Variants in DNAH6 observed in about 807,000 individuals in gnomAD.
The protein encoded by DNAH6 is dynein axonemal heavy chain 6.
DNAH6 carries 340 observed loss-of-function variants against 491.4 expected under a neutral mutation model. The ratio of observed to expected loss-of-function variants is 0.69; its 90% CI spans 0.63 to 0.76. The LOEUF is 0.76. Ranked by LOEUF, DNAH6 falls within the 30% of genes least tolerant of loss-of-function variation. The probability of loss-of-function intolerance (pLI) is 0.00; values close to 1 mark genes in which losing one functional copy is unlikely to be tolerated. For missense variants in DNAH6, 4,443 were observed against 4,972.2 expected, an observed-to-expected ratio of 0.89 and a Z score of 3.20; for synonymous variants, 1,603 against 1,686.1, an observed-to-expected ratio of 0.95 and a Z score of 1.21.
chr2:84,788,472 T>A (rs766325554), intron 68 of DNAH6, among the ~76,000 whole-genome samples: 2 of 152,166 alleles, frequency 1.3e-5, no homozygotes, highest in African/African-American at 4.8e-5. Context: ...ATAAGCTGAT[T>A]ATAAAATTCA....
At chr2:84,678,289 A>G (rs1693450873) in intron 41 of DNAH6, among the ~76,000 whole-genome samples, 1 of 152,182 alleles carries the variant, frequency 6.6e-6, no homozygotes, top group Admixed American at 6.5e-5. Context: ...CCTATAATTA[A>G]GCACCAGAGT....
At chr2:84,616,853 G>A in intron 22 of DNAH6, 33 bp from the exon 23 acceptor site, 2 of 1,240,768 alleles carry the variant, frequency 1.6e-6, no homozygotes, top group East Asian at 3.0e-5. Flanking sequence ...TTTTAACACA[G>A]TTTTACCAAT....
At chr2:84,518,734 G>C (rs1243840083) in intron 2 of DNAH6, among the ~76,000 whole-genome samples, 1 of 152,174 alleles carries the variant, frequency 6.6e-6, no homozygotes, top group African/African-American at 2.4e-5. Flanking sequence ...TTTGAGCCAT[G>C]CTCTGAGGAA....
Position 84,548,447 on chromosome 2 carries a change from T to G in DNAH6, c.1316+30T>G, listed in dbSNP as rs1394711389. ...GATTATTCTCATTTTCAAGAAAAAT[T>G]GTAGTACCCATCTTAAGCTGCATTA... On this transcript the variant is annotated intron_variant, in intron 8 of 76. Transcript: ENST00000389394. 3.7e-6 allele frequency: 6 copies of G among 1,612,438 alleles called. No homozygotes were observed. In the South Asian group the frequency reaches 5.5e-5, roughly 15 times the overall value.
intron 12 of DNAH6, among the ~76,000 whole-genome samples, chr2:84,575,024 A>C (rs1393135665): frequency 6.6e-6 from 1 of 151,640 alleles, no homozygotes; most frequent in East Asian, 1.9e-4. Context: ...CAGTCCCAAC[A>C]CTCTGATGGC....
chr2:84,634,119 A>G (rs764758261), intron 29 of DNAH6, among the ~76,000 whole-genome samples: 1 of 152,198 alleles, frequency 6.6e-6, no homozygotes, highest in Non-Finnish European at 1.5e-5. Context: ...CATGTAGAAT[A>G]CCTTCTAAAG....
At chr2:84,571,413 G>A (rs1249223854) in intron 11 of DNAH6, among the ~76,000 whole-genome samples, 3 of 152,196 alleles carry the variant, frequency 2.0e-5, no homozygotes, top group African/African-American at 7.2e-5. Flanking sequence ...CAATGTGTTA[G>A]TATTACCAGT....
intron 19 of DNAH6, 129 bp from the exon 20 acceptor site, chr2:84,605,367 AAAAG>A: frequency 1.6e-6 from 1 of 645,044 alleles, no homozygotes; most frequent in Non-Finnish European, 2.5e-6. Flanking sequence ...AAAAAAAAAA[AAAAG>A]AATTTTAGAG....
At chr2:84,658,531 T>G in intron 36 of DNAH6, 57 bp downstream of exon 36, 6 of 1,235,590 alleles carry the variant, frequency 4.9e-6, no homozygotes, top group Non-Finnish European at 6.4e-6. Flanking sequence ...TTGTATAAGT[T>G]CTTTGCAAAG....
chr2:84,475,346 G>A, the DNAH6 span, among the ~76,000 whole-genome samples: 1 of 152,192 alleles, frequency 6.6e-6, no homozygotes, highest in African/African-American at 2.4e-5. Flanking sequence ...GGGGCTCAAG[G>A]CAGCTCCCTC....
intron 54 of DNAH6, among the ~76,000 whole-genome samples, chr2:84,708,969 T>G (rs573846131): frequency 6.6e-6 from 1 of 152,358 alleles, no homozygotes; most frequent in South Asian, 2.1e-4. Flanking sequence ...ATCTACTGAT[T>G]GCTTGTACAC....
the DNAH6 span, among the ~76,000 whole-genome samples, chr2:84,464,441 G>A: frequency 6.6e-6 from 1 of 152,178 alleles, no homozygotes; most frequent in Non-Finnish European, 1.5e-5. Flanking sequence ...CAGATCCCAA[G>A]AGAGGGTTCT....
At chr2:84,715,943 G>A (rs183982280) in intron 58 of DNAH6, among the ~76,000 whole-genome samples, 50 of 152,178 alleles carry the variant, frequency 3.3e-4, no homozygotes, top group African/African-American at 1.2e-3. Flanking sequence ...GCAAGTGAAC[G>A]AAGTCAGTCT....
In DNAH6 at chr2:84,557,771, A is replaced by C; in HGVS notation, c.1639A>C (p.Thr547Pro). ...GGGTGCAGTTAATCACTGTCAAAACACTGTGTTATCAGTTCCTAATCTCGT... is the reference window on the plus strand; with the variant it reads ...GGGTGCAGTTAATCACTGTCAAAACCCTGTGTTATCAGTTCCTAATCTCGT... The part of the protein sequence containing the change: ...ILGAVNHCQN[T>P]VLSVPNLVPD... The change falls in exon 11 of 77, where the codon ACT becomes CCT. Residue 547 changes from threonine to proline, a missense_variant. This residue lies in a region of DNAH6 where 2,977 missense variants were observed against 3,296.6 expected (regional missense o/e 0.90). Transcript: ENST00000389394. 1.2e-6 allele frequency: 2 copies of C among 1,609,538 alleles called. No individual in the cohort carries two copies. The highest frequency in any genetic ancestry group is 1.7e-6 in the Non-Finnish European group (2 of 1,177,368).
At chr2:84,750,105 T>C (rs1673321423) in intron 63 of DNAH6, among the ~76,000 whole-genome samples, 2 of 152,074 alleles carry the variant, frequency 1.3e-5, no homozygotes, top group South Asian at 4.1e-4. Context: ...GAACACTACA[T>C]ATTTGATAAT....
At chr2:84,751,784 T>A (rs1317379756) in intron 63 of DNAH6, among the ~76,000 whole-genome samples, 1 of 152,232 alleles carries the variant, frequency 6.6e-6, no homozygotes, top group East Asian at 1.9e-4. Flanking sequence ...TTTGGGGGTC[T>A]TGTTAAAACA....
chr2:84,504,552 C>G, the DNAH6 span, among the ~76,000 whole-genome samples: 1 of 152,098 alleles, frequency 6.6e-6, no homozygotes, highest in Admixed American at 6.6e-5. Flanking sequence ...TATCCTTCTT[C>G]AAAAGGCTTT....
intron 76 of DNAH6, 111 bp from the exon 77 acceptor site, chr2:84,819,194 G>A (rs1680791395): frequency 1.5e-6 from 1 of 658,266 alleles, no homozygotes; most frequent in Non-Finnish European, 2.6e-6. Context: ...AGCATCTTTA[G>A]GGGCAAGTCA....
chr2:84,559,144 A>C (rs1337288290), intron 11 of DNAH6, among the ~76,000 whole-genome samples: 5 of 152,108 alleles, frequency 3.3e-5, no homozygotes, highest in African/African-American at 1.2e-4. Context: ...CTAGCAGTTA[A>C]TCTAAGGAGC....
Sources: gnomAD v4.1 joint callset for allele counts (sites outside exome capture counted in the v4.1 genomes callset) on GRCh38, gnomAD v4.1.1 for gene constraint, gnomAD v4.1.1 regional missense constraint, MANE v1.5 for transcripts, NCBI Gene and HGNC (gene_info 2026-07-23, HGNC 2026-07-21) for gene names.